Variants in CSNK2A1 observed in about 807,000 individuals in gnomAD.
The protein encoded by CSNK2A1 is casein kinase 2 alpha 1, also known as casein kinase II subunit alpha.
CSNK2A1 carries 10 observed loss-of-function variants against 62.9 expected under a neutral mutation model. That is an observed-to-expected ratio of 0.16 (90% CI 0.10 to 0.27). CSNK2A1 has a LOEUF of 0.27. CSNK2A1 is among the 10% of genes least tolerant of loss of function. The pLI is 1.00. For synonymous variants in CSNK2A1, 124 were observed against 167.8 expected, an observed-to-expected ratio of 0.74 and a Z score of 2.02; for missense variants, 160 against 492.0, an observed-to-expected ratio of 0.33 and a Z score of 6.38.
chr20:509,158 C>T (rs2018665874), intron 2 of CSNK2A1, among the ~76,000 whole-genome samples: 1 of 152,190 alleles, frequency 6.6e-6, no homozygotes, highest in African/African-American at 2.4e-5. Context: ...TCTCATACAT[C>T]AAAGCTCCAT....
At chr20:493,672 T>TTGTG (rs1372810179) in intron 8 of CSNK2A1, among the ~76,000 whole-genome samples, 2 of 152,202 alleles carry the variant, frequency 1.3e-5, no homozygotes, top group South Asian at 4.1e-4. Context: ...ACGCATGTGT[T>TTGTG]TGTGTGTGTG....
At chr20:505,807 G>C in intron 3 of CSNK2A1, 1 of 149,630 alleles carries the variant, frequency 6.7e-6, no homozygotes, top group African/African-American at 2.5e-5. Context: ...GAGCTGGCTT[G>C]TATTAAGGTT....
chr20:540,629 G>A (rs1178059301), intron 1 of CSNK2A1, among the ~76,000 whole-genome samples: 1 of 152,024 alleles, frequency 6.6e-6, no homozygotes, highest in Non-Finnish European at 1.5e-5. Context: ...TGACTTCCTG[G>A]GCTCAAGCGA....
chr20:490,339 T>C (rs1396626158), intron 9 of CSNK2A1, among the ~76,000 whole-genome samples: 2 of 137,960 alleles, frequency 1.4e-5, no homozygotes, highest in Admixed American at 6.9e-5. Context: ...TTTTTTCTTT[T>C]TTTTTTTTTT....
At chr20:514,579 C>A (rs1350691336) in intron 2 of CSNK2A1, among the ~76,000 whole-genome samples, 1 of 151,882 alleles carries the variant, frequency 6.6e-6, no homozygotes, top group African/African-American at 2.4e-5. Flanking sequence ...GTAGTTGGGA[C>A]TATAGCTATG....
chr20:504,797 T>C (rs2018542125), intron 4 of CSNK2A1: 1 of 279,064 alleles, frequency 3.6e-6, no homozygotes, highest in East Asian at 6.2e-5. Context: ...GATTTATTTA[T>C]TGAAAACAAA....
At chr20:516,379 TATC>T (rs2018829319) in intron 2 of CSNK2A1, among the ~76,000 whole-genome samples, 1 of 152,184 alleles carries the variant, frequency 6.6e-6, no homozygotes. Context: ...ACGAAAAAAG[TATC>T]ATGTCAATGA....
rs750306818 is a variant in CSNK2A1, at chr20:499,232, A to G, written c.366+23T>C. On this transcript the variant is annotated intron_variant, in intron 6 of 13. Coordinates refer to ENST00000217244, the MANE Select transcript of CSNK2A1 (RefSeq NM_177559.3). This position sits in a 1 kb window ranked among gnomAD's most constrained non-coding sequence, Gnocchi z 4.2. ...TGTGGTCTAAAAACCCACTAGCCCG[A>G]AACAGTTGGTTATATATTATACCTT... The G allele has an allele frequency of 2.7e-5, 43 of 1,578,838 alleles. No homozygotes were observed. The highest frequency in any genetic ancestry group is 5.4e-5 in the Admixed American group (3 of 55,938).
At chr20:484,922 C>A (rs1447104205) in intron 13 of CSNK2A1, among the ~76,000 whole-genome samples, 1 of 150,202 alleles carries the variant, frequency 6.7e-6, no homozygotes, top group East Asian at 2.0e-4. Context: ...CAAAAATTAG[C>A]TGGGCGTCAT....
At chr20:521,650 A>C (rs977458175) in intron 2 of CSNK2A1, among the ~76,000 whole-genome samples, 1 of 152,234 alleles carries the variant, frequency 6.6e-6, no homozygotes, top group Non-Finnish European at 1.5e-5. Flanking sequence ...AAACAGAAAC[A>C]ACCAAGGTGT....
intron 1 of CSNK2A1, among the ~76,000 whole-genome samples, chr20:540,182 ATTAC>A (rs1202906220): frequency 6.6e-6 from 1 of 152,170 alleles, no homozygotes; most frequent in Non-Finnish European, 1.5e-5. Context: ...CAACAGCCCT[ATTAC>A]TTTCTGTCTC....
In CSNK2A1 at chr20:479,632, A is replaced by ATCT. The variant is rs1382794349; in HGVS notation, c.*4328_*4329insAGA. 1 of 152,252 alleles carries ATCT rather than the reference A, an allele frequency of 6.6e-6. No homozygotes were observed. Among genetic ancestry groups the ATCT allele is most frequent in the Non-Finnish European group, 1.5e-5 (1 of 68,044 alleles). 9.4% of individuals were successfully genotyped at this position (152,252 alleles called of 1,614,324 possible). A position where few individuals can be genotyped will look rare whatever the true frequency, so the allele number is the denominator to read the frequency against. Reference sequence around the variant, plus strand: ...GAGGTAGACCACTTGCAGTAACATTACATTGCTTCTCTAATGGTTAAATTT... The same window carrying ATCT: ...GAGGTAGACCACTTGCAGTAACATTATCTCATTGCTTCTCTAATGGTTAAATTT... On this transcript the variant is annotated 3_prime_UTR_variant, in exon 14 of 14. Coordinates refer to ENST00000217244, the MANE Select transcript of CSNK2A1 (RefSeq NM_177559.3).
In CSNK2A1 at chr20:535,037, A is replaced by C. The variant is rs1260535630; in HGVS notation, c.-226-6988T>G. ...AACAGAGTGAGATGCTATCTCCCAA[A>C]AAAAAAAAAAAAAAAAAAAAAAAAA... On this transcript the variant is annotated intron_variant, in intron 1 of 13. Transcript: ENST00000217244. Among the ~76,000 whole-genome samples the C allele has an allele frequency of 9.1e-5, 5 of 55,060 alleles. No homozygotes were observed. The East Asian group carries it at 6.9e-3, about 76-fold the overall frequency. 36.1% of individuals were successfully genotyped at this position (55,060 alleles called of 152,430 possible).
rs940634609 is a variant in CSNK2A1 at position 474,434 on chromosome 20, T to C, written c.*9527A>G. ...CATCAAGACCAGTTATCTGCTATGA[T>C]ACTCCAAGCAAGAGAGGATGGTGGC... On this transcript the variant is annotated 3_prime_UTR_variant, in exon 14 of 14. Transcript: ENST00000217244. The C allele has an allele frequency of 1.3e-5, 2 of 152,184 alleles. No individual in the cohort carries two copies. Among genetic ancestry groups the C allele is most frequent in the Non-Finnish European group, 2.9e-5 (2 of 68,020 alleles). 9.4% of individuals were successfully genotyped at this position (152,184 alleles called of 1,614,324 possible).
At chr20:503,735 T>TCCAA (rs1476977142) in intron 4 of CSNK2A1, 1 of 398,550 alleles carries the variant, frequency 2.5e-6, no homozygotes, top group Non-Finnish European at 4.4e-6. Context: ...GGTGGTGGTG[T>TCCAA]CCAACCAATG....
At chr20:527,694 T>C (rs1195023557) in intron 2 of CSNK2A1, among the ~76,000 whole-genome samples, 1 of 151,870 alleles carries the variant, frequency 6.6e-6, no homozygotes, top group Non-Finnish European at 1.5e-5. Context: ...ATTCAAGTAC[T>C]TGGACTTTGA....
At position 474,377 on chromosome 20, in the gene CSNK2A1, GA is replaced by G. The variant is rs2017807828; in HGVS notation, c.*9583del. On this transcript the variant is annotated 3_prime_UTR_variant, in exon 14 of 14. Transcript: ENST00000217244. ...GAAAGATCTTTGGTTGCAGGTGTCA[GA>G]TGAATCAGGAATTGAGACGAGATGG... The G allele has an allele frequency of 6.6e-6, 1 of 152,138 alleles. No individual in the cohort carries two copies. Among genetic ancestry groups the G allele is most frequent in the African/African-American group, 2.4e-5 (1 of 41,418 alleles). The allele number at this position is 152,138 out of a possible 1,614,324, so 9.4% of individuals were successfully genotyped here.
intron 2 of CSNK2A1, among the ~76,000 whole-genome samples, chr20:519,323 C>T (rs916946665): frequency 2.6e-5 from 4 of 152,152 alleles, no homozygotes; most frequent in African/African-American, 9.7e-5. Flanking sequence ...ATCCCAGAAG[C>T]AATCAGACAC....
At chr20:543,155 G>C (rs1294069861) in intron 1 of CSNK2A1, 1 of 151,862 alleles carries the variant, frequency 6.6e-6, no homozygotes, top group Non-Finnish European at 1.5e-5. Flanking sequence ...AACCCCGCCT[G>C]GGGTTCTCTC....
Sources: gnomAD v4.1 joint callset for allele counts (sites outside exome capture counted in the v4.1 genomes callset) on GRCh38, gnomAD v4.1.1 for gene constraint, Gnocchi (gnomAD v3.1) non-coding constraint, MANE v1.5 for transcripts, NCBI Gene and HGNC (gene_info 2026-07-23, HGNC 2026-07-21) for gene names.